The following KIF12 variants were observed in gnomAD, a reference collection of about 807,000 sequenced individuals.
KIF12 encodes the protein kinesin family member 12.
Under a neutral mutation model 87.9 loss-of-function variants are expected in KIF12, and 80 were observed. The ratio of observed to expected loss-of-function variants is 0.91; its 90% confidence interval spans 0.76 to 1.10. The LOEUF (loss-of-function observed/expected upper bound fraction) is 1.10, where lower values mean the gene tolerates loss of function less well. Among genes scored for constraint, KIF12 ranks in the 50% least tolerant of loss-of-function variants. The pLI, the probability that KIF12 is intolerant of heterozygous loss-of-function variation, is 0.00. For missense variants in KIF12, 819 were observed against 865.3 expected (o/e 0.95, Z 0.67); for synonymous variants, 353 against 348.5 (o/e 1.01, Z -0.14).
chr9:114,097,328 C>T lies in KIF12; in HGVS notation c.619G>A (p.Glu207Lys). 1 of 1,609,962 alleles carries T rather than the reference C, an allele frequency of 6.2e-7. No individual in the cohort carries two copies. The highest frequency in any genetic ancestry group is 8.5e-7 in the Non-Finnish European group (1 of 1,179,062). The part of the protein sequence containing the change: ...QLRVVEFGSL[E>K]ALMELLQTGL... ...GTTTGCAAAAGTTCCATCAGGGCCT[C>T]CAGACTCCCAAATTCCACCACCCGC... is the stretch of plus-strand genomic sequence containing the variant. Residue 207 changes from glutamate (E) to lysine (K), a missense_variant, in exon 7 of 19, where the codon GAG (glutamate) becomes AAG (lysine). Coordinates refer to ENST00000640217, the MANE Select transcript of KIF12 (RefSeq NM_001388308.1).
Position 114,093,211 on chromosome 9 carries a change from C to T in KIF12, c.1596+18G>A. 6.5e-7 allele frequency: 1 copy of T among 1,541,216 alleles called. No homozygotes were observed. The highest frequency in any genetic ancestry group is 8.8e-7 in the Non-Finnish European group (1 of 1,137,904). On this transcript the variant is annotated intron_variant, in intron 16 of 18. Coordinates refer to ENST00000640217, the MANE Select transcript of KIF12 (RefSeq NM_001388308.1). ...AGTTCTCCCAGCCTTCCCTCACTCC[C>T]ACCATGGCCTTTCCTACCTGGGGCA...
rs745617047 is a variant in KIF12 at position 114,092,378 on chromosome 9, G to C, written c.1771C>G (p.Pro591Ala). 148 of 1,611,240 alleles carry C rather than the reference G, an allele frequency of 9.2e-5. No homozygotes were observed. The highest frequency in any genetic ancestry group is 4.4e-4 in the Admixed American group (26 of 59,380). Residue 591 changes from proline (P) to alanine (A), a missense_variant, in exon 18 of 19, where the codon CCT becomes GCT. Transcript: ENST00000640217. ...LTEEEVVPSA[P>A]PLPVRPPKTS... The stretch of plus-strand genomic sequence containing the variant: ...TTCGGGGGCCTCACAGGCAGGGGAG[G>C]TGCAGAAGGTACCACCTCCTCCTCC...
intron 6 of KIF12, 49 bp downstream of exon 6, chr9:114,097,558 G>T: frequency 6.2e-7 from 1 of 1,607,628 alleles, no homozygotes; most frequent in Non-Finnish European, 8.5e-7. Context: ...CTGGAAAGAA[G>T]CGCTCCGTTT....
chr9:114,098,322 C>G lies in KIF12; in HGVS notation c.279G>C (p.Leu93=), dbSNP rs760560833. The G allele has an allele frequency of 3.7e-5, 55 of 1,472,558 alleles. 2 individuals are homozygous for G. The South Asian group carries it at 6.0e-4, about 16-fold the overall frequency. The allele number at this position is 1,472,558 out of a possible 1,614,324, so 91.2% of individuals were successfully genotyped here. ...DVFRACGVRR[L]GELALRGFSC... is the part of the protein sequence containing the mutation. ...CTCACCCGCGCAGCGCCAGCTCCCC[C>G]AGGCGCCGCACGCCGCACGCCCGGA... The change falls in exon 4 of 19, where the codon CTG becomes CTC. Residue 93 remains leucine, a synonymous_variant. Coordinates refer to ENST00000640217, the MANE Select transcript of KIF12 (RefSeq NM_001388308.1).
In KIF12 at chr9:114,098,283, G is replaced by T; in HGVS notation, c.299+19C>A. 2 of 1,491,080 alleles carry T rather than the reference G, an allele frequency of 1.3e-6. No homozygotes were observed. The highest frequency in any genetic ancestry group is 1.3e-5 in the South Asian group (1 of 76,248). The allele number at this position is 1,491,080 out of a possible 1,614,324, so 92.4% of individuals were successfully genotyped here. A position where few individuals can be genotyped will look rare whatever the true frequency, so the allele number is the denominator to read the frequency against. ...GCCCCGCCAGGCCCGGCGCGGAGCG[G>T]AGGCGAAGCTTCACTCACCCGCGCA... On this transcript the variant is annotated intron_variant, in intron 4 of 18. Transcript: ENST00000640217.
chr9:114,099,177 C>T lies in KIF12; in HGVS notation c.27-8G>A. ...AGGCTCCGCGCGAGATCCCTGTGGG[C>T]AGCAATGCGACTTATCATACCTGCA... is the stretch of plus-strand genomic sequence containing the variant. On this transcript the variant is annotated splice_polypyrimidine_tract_variant and splice_region_variant and intron_variant, in intron 1 of 18. Coordinates refer to ENST00000640217, the MANE Select transcript of KIF12 (RefSeq NM_001388308.1). 1 of 1,550,028 alleles carries T rather than the reference C, an allele frequency of 6.5e-7. No individual in the cohort carries two copies. Among genetic ancestry groups the T allele is most frequent in the East Asian group, 2.4e-5 (1 of 40,902 alleles).
In KIF12 at chr9:114,091,815, C is replaced by T; in HGVS notation, c.*46G>A. 5 of 1,535,482 alleles carry T rather than the reference C, an allele frequency of 3.3e-6. No individual in the cohort carries two copies. The highest frequency in any genetic ancestry group is 4.4e-6 in the Non-Finnish European group (5 of 1,134,772). ...CAGACTGAAGCCCAAGAGTGTGGAG[C>T]CCAGTCTGAGGTCACACAGCAGTCT... On this transcript the variant is annotated 3_prime_UTR_variant, in exon 19 of 19. Coordinates refer to ENST00000640217, the MANE Select transcript of KIF12 (RefSeq NM_001388308.1).
chr9:114,096,411 G>A lies in KIF12; in HGVS notation c.714C>T (p.Leu238=). The change falls in exon 8 of 19, where the codon CTC becomes CTT. Residue 238 remains leucine (L), a synonymous_variant. Transcript: ENST00000640217. ...NQASSRSHAL[L]TLYISRQTAQ... is the part of the protein sequence containing the mutation. ...CAGTTTGACGGCTGATGTAAAGGGT[G>A]AGCAGGGCATGGCTTCGGCTGGAGG... 6.2e-7 allele frequency: 1 copy of A among 1,613,258 alleles called. No homozygotes were observed. Among genetic ancestry groups the A allele is most frequent in the South Asian group, 1.1e-5 (1 of 90,674 alleles).
intron 9 of KIF12, 34 bp from the exon 10 acceptor site, chr9:114,095,366 A>T: frequency 6.3e-7 from 1 of 1,597,694 alleles, no homozygotes; most frequent in Non-Finnish European, 8.5e-7. Flanking sequence ...GGAAGGTTAC[A>T]TCACTTGCCT....
In KIF12 at chr9:114,098,328, C is replaced by G. The variant is rs896633446; in HGVS notation, c.273G>C (p.Arg91=). Residue 91 remains arginine (R), a synonymous_variant, in exon 4 of 19, where the codon CGG becomes CGC. Coordinates refer to ENST00000640217, the MANE Select transcript of KIF12 (RefSeq NM_001388308.1). ...CGCGCAGCGCCAGCTCCCCCAGGCG[C>G]CGCACGCCGCACGCCCGGAACACGT... ...QEDVFRACGV[R]RLGELALRGF... 1 of 1,472,728 alleles carries G rather than the reference C, an allele frequency of 6.8e-7. No homozygotes were observed. Among genetic ancestry groups the G allele is most frequent in the East Asian group, 2.8e-5 (1 of 35,234 alleles). 91.2% of individuals were successfully genotyped at this position (1,472,728 alleles called of 1,614,324 possible).
chr9:114,099,148 C>A lies in KIF12; in HGVS notation c.48G>T (p.Glu16Asp), dbSNP rs1426523490. ...SPDGDLARSL[E>D]QGPEGPETPI... ...GCGTTTCCGGCCCCTCTGGCCCTTG[C>A]TCCAGGCTCCGCGCGAGATCCCTGT... Residue 16 changes from glutamate to aspartate, a missense_variant, in exon 2 of 19, where the codon GAG (glutamate) becomes GAT (aspartate). Transcript: ENST00000640217. 1.3e-6 allele frequency: 2 copies of A among 1,550,688 alleles called. No individual in the cohort carries two copies. The highest frequency in any genetic ancestry group is 2.4e-5 in the South Asian group (2 of 84,064).
chr9:114,092,128 C>T lies in KIF12; in HGVS notation c.1817-128G>A, dbSNP rs987156847. ...CCCTCCACCCTTCCCCCCACCCCAC[C>T]CCCATACACCATGGGCTCCAACATA... On this transcript the variant is annotated intron_variant, in intron 18 of 18. Transcript: ENST00000640217. 134 of 1,440,442 alleles carry T rather than the reference C, an allele frequency of 9.3e-5. No homozygotes were observed. The Middle Eastern group carries it at 1.3e-3, about 14-fold the overall frequency. The allele number at this position is 1,440,442 out of a possible 1,614,324, so 89.2% of individuals were successfully genotyped here. A position where few individuals can be genotyped will look rare whatever the true frequency, so the allele number is the denominator to read the frequency against.
intron 7 of KIF12, among the ~76,000 whole-genome samples, chr9:114,096,926 G>A (rs1847255145): frequency 6.6e-6 from 1 of 152,222 alleles, no homozygotes; most frequent in South Asian, 2.1e-4. Context: ...TGATCCTCAG[G>A]GCCCTGGAAG....
intron 7 of KIF12, 114 bp downstream of exon 7, chr9:114,097,187 C>A (rs1847267480): frequency 3.6e-6 from 5 of 1,372,654 alleles, no homozygotes; most frequent in Non-Finnish European, 4.9e-6. Context: ...TCCCCACCTC[C>A]CCCAGGAATC....
At position 114,092,636 on chromosome 9, in the gene KIF12, C is replaced by T. The variant is rs768464051; in HGVS notation, c.1603G>A (p.Asp535Asn). The change falls in exon 17 of 19, where the codon GAC becomes AAC. Residue 535 changes from aspartate to asparagine, a missense_variant. By Grantham distance (23) the Asp-to-Asn change is conservative. Coordinates refer to ENST00000640217, the MANE Select transcript of KIF12 (RefSeq NM_001388308.1). ...PGEHHLPQVL[D>N]PEASGGRPPS... ...GGCCTGCCACCTGAGGCCTCAGGGTCCAACACCTGTAGGAAAGACCAGAGT... is the reference window on the plus strand; with the variant it reads ...GGCCTGCCACCTGAGGCCTCAGGGTTCAACACCTGTAGGAAAGACCAGAGT... 1 of 1,588,278 alleles carries T rather than the reference C, an allele frequency of 6.3e-7. No individual in the cohort carries two copies. The highest frequency in any genetic ancestry group is 8.5e-7 in the Non-Finnish European group (1 of 1,171,100).
rs763396255 is a variant in KIF12, at chr9:114,096,428, G to C, written c.697C>G (p.Arg233Gly). The change falls in exon 8 of 19, where the codon CGA becomes GGA. Residue 233 changes from arginine to glycine, a missense_variant. Coordinates refer to ENST00000640217, the MANE Select transcript of KIF12 (RefSeq NM_001388308.1). ...TAAAGGGTGAGCAGGGCATGGCTTCGGCTGGAGGCCTGGTTCAGGGTGTGG... is the reference window on the plus strand; with the variant it reads ...TAAAGGGTGAGCAGGGCATGGCTTCCGCTGGAGGCCTGGTTCAGGGTGTGG... ...SAHTLNQASSRSHALLTLYIS... is the reference protein window; with the variant it reads ...SAHTLNQASSGSHALLTLYIS... 6 of 1,613,130 alleles carry C rather than the reference G, an allele frequency of 3.7e-6. No individual in the cohort carries two copies. Among genetic ancestry groups the C allele is most frequent in the Non-Finnish European group, 5.1e-6 (6 of 1,179,696 alleles).
Position 114,097,428 on chromosome 9 carries a change from G to A in KIF12, c.519C>T (p.Asp173=). 1 of 1,591,292 alleles carries A rather than the reference G, an allele frequency of 6.3e-7. No homozygotes were observed. The highest frequency in any genetic ancestry group is 8.5e-7 in the Non-Finnish European group (1 of 1,170,676). Residue 173 remains aspartate (D), a synonymous_variant, in exon 7 of 19, where the codon GAC becomes GAT. Coordinates refer to ENST00000640217, the MANE Select transcript of KIF12 (RefSeq NM_001388308.1). ...GCCGGGGAGACCCCAGGCTCAGCAA[G>A]TCCCGAACCTGGGAGGGGAGGGAGG... ...YLEIYNEQVR[D]LLSLGSPRPL...
In KIF12 at chr9:114,096,139, C is replaced by G; in HGVS notation, c.807G>C (p.Leu269=). ...PVGGKLCFVD[L]AGSEKVAATG... is the part of the protein sequence containing the mutation. ...TGGCTGCTACCTTCTCACTGCCTGC[C>G]AGGTCCACAAAGCACAGCTTCCCAC... The change falls in exon 9 of 19, where the codon CTG becomes CTC. Residue 269 remains leucine (L), a synonymous_variant. Coordinates refer to ENST00000640217, the MANE Select transcript of KIF12 (RefSeq NM_001388308.1). 1.2e-6 allele frequency: 2 copies of G among 1,613,948 alleles called. No homozygotes were observed. The highest frequency in any genetic ancestry group is 1.7e-6 in the Non-Finnish European group (2 of 1,180,018).
At chr9:114,093,584 G>A (rs1307044542) in intron 14 of KIF12, 87 bp from the exon 15 acceptor site, 1 of 1,097,204 alleles carries the variant, frequency 9.1e-7, no homozygotes, top group Non-Finnish European at 1.4e-6. Flanking sequence ...TAATACTCCT[G>A]GATCCCGTAC....
Sources: gnomAD v4.1 joint callset for allele counts (sites outside exome capture counted in the v4.1 genomes callset) on GRCh38, gnomAD v4.1.1 for gene constraint, MANE v1.5 for transcripts, NCBI Gene and HGNC (gene_info 2026-07-23, HGNC 2026-07-21) for gene names.